Variants in CTNNBL1 observed in about 807,000 individuals in gnomAD.
The protein encoded by CTNNBL1 is catenin beta like 1.
In CTNNBL1, 31 loss-of-function variants were observed where a neutral mutation model predicts 72.7. The observed-to-expected ratio is 0.43, with a 90% CI of 0.32 to 0.58. The LOEUF is 0.58. Among genes scored for constraint, CTNNBL1 ranks in the 20% least tolerant of loss-of-function variants. The pLI is 0.08. For missense variants in CTNNBL1, 534 were observed against 725.1 expected, an observed-to-expected ratio of 0.74 and a Z score of 3.03; for synonymous variants, 240 against 267.3, an observed-to-expected ratio of 0.90 and a Z score of 1.00.
intron 13 of CTNNBL1, among the ~76,000 whole-genome samples, 186 bp from the exon 14 acceptor site, chr20:37,859,713 C>T (rs1354239885): frequency 3.3e-5 from 5 of 151,466 alleles, no homozygotes; most frequent in Non-Finnish European, 7.4e-5. Flanking sequence ...CCTCTATAGT[C>T]CATTAAGAAT....
At chr20:37,763,394 C>T (rs77832599) in intron 5 of CTNNBL1, among the ~76,000 whole-genome samples, 7,316 of 152,254 alleles carry the variant, frequency 0.048, 246 homozygotes, top group Non-Finnish European at 0.068. Flanking sequence ...CCAAATCTGG[C>T]ATCAGTGTTT....
chr20:37,781,657 T>G (rs1354053558), intron 10 of CTNNBL1, among the ~76,000 whole-genome samples: 1 of 152,196 alleles, frequency 6.6e-6, no homozygotes, highest in Admixed American at 6.5e-5. Flanking sequence ...ATGGAAAGTT[T>G]AATTGGGATG....
intron 1 of CTNNBL1, among the ~76,000 whole-genome samples, chr20:37,696,479 T>G (rs1002423479): frequency 6.7e-6 from 1 of 149,824 alleles, no homozygotes; most frequent in Non-Finnish European, 1.5e-5. Context: ...GTTTCACTCT[T>G]GTTGCCCAGG....
intron 11 of CTNNBL1, among the ~76,000 whole-genome samples, chr20:37,830,863 T>C (rs56356373): frequency 0.36 from 54,656 of 152,106 alleles, 10,225 homozygotes; most frequent in Admixed American, 0.49. Context: ...TATTGAATAT[T>C]GTACTGAAAG....
chr20:37,844,759 C>T (rs940076146), intron 13 of CTNNBL1, among the ~76,000 whole-genome samples: 3 of 151,986 alleles, frequency 2.0e-5, no homozygotes, highest in Admixed American at 6.6e-5. Context: ...CCAGCCTGGC[C>T]GACAAAGCAA....
intron 3 of CTNNBL1, among the ~76,000 whole-genome samples, chr20:37,742,793 C>A (rs552350826): frequency 1.3e-5 from 2 of 152,142 alleles, no homozygotes; most frequent in South Asian, 2.1e-4. Flanking sequence ...GACTAACAAT[C>A]GTTCAATTAC....
At chr20:37,735,628 G>A (rs1456074989) in intron 2 of CTNNBL1, among the ~76,000 whole-genome samples, 1 of 152,204 alleles carries the variant, frequency 6.6e-6, no homozygotes, top group Non-Finnish European at 1.5e-5. Context: ...AGACCCTGGG[G>A]AGGAGGTAGG....
At chr20:37,833,041 G>A (rs931815209) in intron 11 of CTNNBL1, among the ~76,000 whole-genome samples, 3 of 152,146 alleles carry the variant, frequency 2.0e-5, no homozygotes, top group Non-Finnish European at 2.9e-5. Context: ...GCATGCCTCC[G>A]TGTGTATCAG....
At chr20:37,790,709 G>A (rs566562480) in intron 10 of CTNNBL1, among the ~76,000 whole-genome samples, 2 of 152,324 alleles carry the variant, frequency 1.3e-5, no homozygotes, top group African/African-American at 4.8e-5. Flanking sequence ...TTACCGGGCA[G>A]GAAGTGGTGT....
chr20:37,867,573 G>A (rs1243858902), intron 15 of CTNNBL1, among the ~76,000 whole-genome samples: 2 of 152,200 alleles, frequency 1.3e-5, no homozygotes, highest in Non-Finnish European at 2.9e-5. Flanking sequence ...TGTGGGGGAA[G>A]TAGAGAAAGG....
At chr20:37,698,941 G>T (rs1316088542) in intron 1 of CTNNBL1, among the ~76,000 whole-genome samples, 2 of 152,168 alleles carry the variant, frequency 1.3e-5, no homozygotes, top group Non-Finnish European at 2.9e-5. Context: ...AGCTACTTAG[G>T]AGGCTGAGGA....
At chr20:37,825,924 A>G (rs1304863683) in intron 11 of CTNNBL1, among the ~76,000 whole-genome samples, 2 of 152,370 alleles carry the variant, frequency 1.3e-5, no homozygotes, top group African/African-American at 2.4e-5. Context: ...TGTAGGAGCC[A>G]TAGAAAATGA....
intron 3 of CTNNBL1, among the ~76,000 whole-genome samples, chr20:37,745,247 G>A (rs2073252553): frequency 6.6e-6 from 1 of 152,184 alleles, no homozygotes; most frequent in Admixed American, 6.5e-5. Flanking sequence ...TGGAGAAGCT[G>A]TATCTACCCA....
At chr20:37,769,754 C>T (rs2073506138) in intron 7 of CTNNBL1, among the ~76,000 whole-genome samples, 1 of 152,198 alleles carries the variant, frequency 6.6e-6, no homozygotes, top group Non-Finnish European at 1.5e-5. Flanking sequence ...GAAGGAGGCA[C>T]TTGTTTGTAA....
chr20:37,830,652 T>G lies in CTNNBL1; in HGVS notation c.1214-9450T>G, dbSNP rs868794938. On this transcript the variant is annotated intron_variant, in intron 11 of 15. Transcript: ENST00000361383. ...TGCTCCTCAACGTACCATGGGGTTATGTCCCAAAAAACCCATCATGAGTTG... is the reference window on the plus strand; with the variant it reads ...TGCTCCTCAACGTACCATGGGGTTAGGTCCCAAAAAACCCATCATGAGTTG... Among the ~76,000 whole-genome samples the G allele has an allele frequency of 2.6e-5, 4 of 152,278 alleles. No individual in the cohort carries two copies. The Middle Eastern group carries it at 0.014, about 518-fold the overall frequency.
intron 13 of CTNNBL1, among the ~76,000 whole-genome samples, chr20:37,846,303 G>A (rs2072346670): frequency 6.6e-6 from 1 of 152,142 alleles, no homozygotes; most frequent in African/African-American, 2.4e-5. Context: ...GAAGCCAAGT[G>A]AAGGGGGAGA....
chr20:37,736,752 C>T (rs564627756), intron 2 of CTNNBL1, among the ~76,000 whole-genome samples: 1 of 152,020 alleles, frequency 6.6e-6, no homozygotes, highest in African/African-American at 2.4e-5. Context: ...GAACTCCTGA[C>T]CTCAAGTGAT....
At chr20:37,838,244 A>G (rs536333196) in intron 11 of CTNNBL1, among the ~76,000 whole-genome samples, 2 of 152,328 alleles carry the variant, frequency 1.3e-5, no homozygotes, top group East Asian at 3.9e-4. Context: ...GTGTTAACCT[A>G]AGGAATCATG....
intron 1 of CTNNBL1, among the ~76,000 whole-genome samples, chr20:37,728,544 T>A (rs545962575): frequency 4.6e-5 from 7 of 152,340 alleles, no homozygotes; most frequent in African/African-American, 1.7e-4. Flanking sequence ...TCCCAACTCT[T>A]ATTATTCAGA....
Sources: allele counts gnomAD v4.1 joint callset (sites outside exome capture counted in the v4.1 genomes callset), GRCh38; gene constraint gnomAD v4.1.1; transcripts MANE v1.5; gene names NCBI Gene and HGNC (gene_info 2026-07-23, HGNC 2026-07-21).